Variants in LRP1B observed in about 807,000 individuals in gnomAD.
LRP1B encodes the protein LDL receptor related protein 1B, also known as low-density lipoprotein receptor-related protein 1B.
Under a neutral mutation model 556.6 loss-of-function variants are expected in LRP1B, and 217 were observed. The observed-to-expected ratio is 0.39, with a 90% CI of 0.35 to 0.44. LRP1B has a LOEUF of 0.44. Among genes scored for constraint, LRP1B ranks in the 20% least tolerant of loss-of-function variants. LRP1B has a pLI of 1.00. For synonymous variants in LRP1B, 2,047 were observed against 1,865.8 expected, an observed-to-expected ratio of 1.10 and a Z score of -2.50; for missense variants, 5,053 against 5,620.8, an observed-to-expected ratio of 0.90 and a Z score of 3.23.
At position 140,733,459 on chromosome 2, in the gene LRP1B, A is replaced by G. The variant is rs1200649199; in HGVS notation, c.5759-16643T>C. 3.3e-5 allele frequency among the ~76,000 whole-genome samples: 5 copies of G among 152,172 alleles called. No homozygotes were observed. The East Asian group carries it at 9.6e-4, about 29-fold the overall frequency. On this transcript the variant is annotated intron_variant, in intron 35 of 90. Transcript: ENST00000389484. ...TTGAATATAAGAGCCAAAAACTAGAACAAAAACAAACATCTATCATTGCAG... is the reference window on the plus strand; with the variant it reads ...TTGAATATAAGAGCCAAAAACTAGAGCAAAAACAAACATCTATCATTGCAG...
At chr2:140,531,587 C>T (rs1280231690) in intron 47 of LRP1B, among the ~76,000 whole-genome samples, 2 of 152,280 alleles carry the variant, frequency 1.3e-5, no homozygotes, top group South Asian at 4.1e-4. Flanking sequence ...ATTCTGCCCT[C>T]TTCCTCAACT....
chr2:140,653,489 T>A (rs904096188), intron 41 of LRP1B, among the ~76,000 whole-genome samples: 5 of 151,988 alleles, frequency 3.3e-5, no homozygotes, highest in African/African-American at 9.6e-5. Flanking sequence ...GGTTTAACAA[T>A]CATTAAAATT....
chr2:141,879,958 T>C (rs187634539), intron 1 of LRP1B, among the ~76,000 whole-genome samples: 7 of 132,420 alleles, frequency 5.3e-5, no homozygotes, highest in Admixed American at 3.4e-4. Context: ...TATGAACACA[T>C]TTCTTTTAAG....
chr2:140,967,805 T>G (rs999257175), intron 18 of LRP1B, among the ~76,000 whole-genome samples: 23 of 152,032 alleles, frequency 1.5e-4, no homozygotes, highest in Non-Finnish European at 2.5e-4. Flanking sequence ...AATCATGTGT[T>G]TTTTTGTCTT....
At chr2:141,322,977 C>A (rs1038055250) in intron 3 of LRP1B, among the ~76,000 whole-genome samples, 1 of 151,922 alleles carries the variant, frequency 6.6e-6, no homozygotes, top group African/African-American at 2.4e-5. Context: ...TTACTCATTG[C>A]AAAATGAAGA....
chr2:141,399,237 CAG>C (rs146630134), intron 3 of LRP1B, among the ~76,000 whole-genome samples: 5,459 of 152,140 alleles, frequency 0.036, 327 homozygotes, highest in African/African-American at 0.12. Context: ...GCCTGGGAGA[CAG>C]AGCGGGACTC....
In LRP1B at chr2:140,370,949, C is replaced by G. The variant is rs1682967583; in HGVS notation, c.10876-107G>C. ...TACTAGAGCTTTATTATACCATGGGCTTTCTTTCATTTTGTCTTAATGAAT... is the reference window on the plus strand; with the variant it reads ...TACTAGAGCTTTATTATACCATGGGGTTTCTTTCATTTTGTCTTAATGAAT... On this transcript the variant is annotated intron_variant, in intron 70 of 90. Coordinates refer to ENST00000389484, the MANE Select transcript of LRP1B (RefSeq NM_018557.3). 9.1e-6 allele frequency: 11 copies of G among 1,214,348 alleles called. No individual in the cohort carries two copies. The South Asian group carries it at 1.5e-4, about 16-fold the overall frequency. 75.2% of individuals were successfully genotyped at this position (1,214,348 alleles called of 1,614,324 possible).
At chr2:141,635,301 A>T (rs1250478742) in intron 2 of LRP1B, among the ~76,000 whole-genome samples, 2 of 152,090 alleles carry the variant, frequency 1.3e-5, no homozygotes, top group East Asian at 3.8e-4. Flanking sequence ...CAAACCATAC[A>T]TCCTTAACTA....
chr2:141,761,096 T>C (rs543664789), intron 2 of LRP1B, among the ~76,000 whole-genome samples: 2 of 152,160 alleles, frequency 1.3e-5, no homozygotes, highest in Non-Finnish European at 2.9e-5. Flanking sequence ...AAATATTGCA[T>C]AGGAATACAA....
chr2:142,035,811 C>T (rs1278249854), intron 1 of LRP1B, among the ~76,000 whole-genome samples: 1 of 151,670 alleles, frequency 6.6e-6, no homozygotes, highest in South Asian at 2.1e-4. Flanking sequence ...GAAATCTCAA[C>T]GTGAATTGTA....
chr2:141,764,473 C>G (rs1035388455), intron 2 of LRP1B, among the ~76,000 whole-genome samples: 1 of 152,118 alleles, frequency 6.6e-6, no homozygotes, highest in Non-Finnish European at 1.5e-5. Context: ...TGAGCCACCG[C>G]GCCAGGCACA....
At chr2:141,816,745 C>T (rs1482699843) in intron 1 of LRP1B, among the ~76,000 whole-genome samples, 1 of 151,910 alleles carries the variant, frequency 6.6e-6, no homozygotes, top group Non-Finnish European at 1.5e-5. Flanking sequence ...TCAATACTCA[C>T]ATGTATATAG....
At chr2:141,959,446 T>A (rs1273712019) in intron 1 of LRP1B, among the ~76,000 whole-genome samples, 1 of 151,952 alleles carries the variant, frequency 6.6e-6, no homozygotes, top group African/African-American at 2.4e-5. Flanking sequence ...TGCGTCAATC[T>A]AGTCATTTTC....
intron 3 of LRP1B, among the ~76,000 whole-genome samples, chr2:141,367,704 G>A (rs188501288): frequency 1.2e-3 from 187 of 151,604 alleles, no homozygotes; most frequent in African/African-American, 4.3e-3. Flanking sequence ...GGATGGTCTC[G>A]ATCTCCTGTC....
At position 140,778,531 on chromosome 2, in the gene LRP1B, AAGATATACAT is replaced by A. The variant is rs1689579037; in HGVS notation, c.5360-2303_5360-2294del. ...TATAATGAAACATGTCTACACTGGG[AAGATATACAT>A]AACTGAAAGAAGCAATGTTTTTCAA... On this transcript the variant is annotated intron_variant, in intron 32 of 90. Coordinates refer to ENST00000389484, the MANE Select transcript of LRP1B (RefSeq NM_018557.3). Among the ~76,000 whole-genome samples the A allele has an allele frequency of 2.6e-5, 4 of 152,252 alleles. No homozygotes were observed. In the South Asian group the frequency reaches 8.3e-4, roughly 32 times the overall value.
At position 141,890,705 on chromosome 2, in the gene LRP1B, A is replaced by G. The variant is rs1309364525; in HGVS notation, c.83-80304T>C. On this transcript the variant is annotated intron_variant, in intron 1 of 90. Coordinates refer to ENST00000389484, the MANE Select transcript of LRP1B (RefSeq NM_018557.3). The stretch of plus-strand genomic sequence containing the variant: ...CTAAATTTATTATGTAATAACCTGC[A>G]ATGATAAATAGGAAAAACATCATAT... 2.0e-5 allele frequency among the ~76,000 whole-genome samples: 3 copies of G among 152,154 alleles called. No individual in the cohort carries two copies. In the East Asian group the frequency reaches 5.8e-4, roughly 30 times the overall value.
intron 41 of LRP1B, among the ~76,000 whole-genome samples, chr2:140,626,224 GGATA>G (rs1449342429): frequency 1.3e-5 from 2 of 152,156 alleles, no homozygotes; most frequent in Non-Finnish European, 2.9e-5. Context: ...GGAGATGGAA[GGATA>G]AATAGGCAGA....
intron 2 of LRP1B, among the ~76,000 whole-genome samples, chr2:141,646,157 A>T (rs1689555562): frequency 6.6e-6 from 1 of 152,190 alleles, no homozygotes; most frequent in African/African-American, 2.4e-5. Flanking sequence ...AGAAAGGAAA[A>T]TCAGGGTAGA....
chr2:140,623,834 G>C (rs112538610), intron 41 of LRP1B, among the ~76,000 whole-genome samples: 34,280 of 151,004 alleles, frequency 0.23, 4,236 homozygotes, highest in Admixed American at 0.3. Context: ...CAGGAGAATC[G>C]CTTGAGCCTG....
Sources: allele counts gnomAD v4.1 joint callset (sites outside exome capture counted in the v4.1 genomes callset), GRCh38; gene constraint gnomAD v4.1.1; transcripts MANE v1.5; gene names NCBI Gene and HGNC (gene_info 2026-07-23, HGNC 2026-07-21).